Variants in HTR1E observed in about 807,000 individuals in gnomAD.
HTR1E encodes the protein 5-HT-1E.
In HTR1E, 3 loss-of-function variants were observed where a neutral mutation model predicts 3.4. The observed-to-expected ratio is 0.89, with a 90% confidence interval of 0.41 to 2.31. The LOEUF is 2.31. Among genes scored for constraint, HTR1E ranks in the 30% most tolerant of loss-of-function variants. The pLI is 0.05. For synonymous variants in HTR1E, 170 were observed against 182.8 expected (o/e 0.93, Z 0.56); for missense variants, 392 against 467.0 (o/e 0.84, Z 1.48).
intron 1 of HTR1E, among the ~76,000 whole-genome samples, chr6:87,012,237 T>C (rs1768249303): frequency 6.6e-6 from 1 of 152,090 alleles, no homozygotes; most frequent in African/African-American, 2.4e-5. Context: ...CTCCAGAGAC[T>C]TGGGGGTGTG....
chr6:86,993,112 C>T (rs1356811870), intron 1 of HTR1E, among the ~76,000 whole-genome samples: 1 of 152,000 alleles, frequency 6.6e-6, no homozygotes, highest in Non-Finnish European at 1.5e-5. Flanking sequence ...CACTTATGCT[C>T]AAAGTTCATT....
chr6:86,986,164 C>T (rs1303652603), intron 1 of HTR1E, among the ~76,000 whole-genome samples: 2 of 152,160 alleles, frequency 1.3e-5, no homozygotes, highest in African/African-American at 4.8e-5. Context: ...TTTATGATGG[C>T]ATTCTTCACA....
chr6:86,949,287 A>G (rs1304342846), intron 1 of HTR1E, among the ~76,000 whole-genome samples: 1 of 152,198 alleles, frequency 6.6e-6, no homozygotes. Context: ...TGCAGGGTTA[A>G]GTAAGTTAAT....
At chr6:86,988,862 T>G (rs1198852864) in intron 1 of HTR1E, among the ~76,000 whole-genome samples, 1 of 152,062 alleles carries the variant, frequency 6.6e-6, no homozygotes, top group East Asian at 1.9e-4. Context: ...TGACTAAATA[T>G]CAACATAAGA....
intron 1 of HTR1E, among the ~76,000 whole-genome samples, chr6:87,003,869 G>C (rs999952922): frequency 3.3e-5 from 5 of 152,098 alleles, no homozygotes; most frequent in African/African-American, 1.2e-4. Context: ...CAAACTATTA[G>C]TCAAACTAAG....
intron 1 of HTR1E, among the ~76,000 whole-genome samples, chr6:87,008,030 C>A (rs1428925760): frequency 6.6e-6 from 1 of 152,102 alleles, no homozygotes; most frequent in Non-Finnish European, 1.5e-5. Flanking sequence ...AACATTGTGA[C>A]AACAAAAGAC....
intron 1 of HTR1E, among the ~76,000 whole-genome samples, chr6:86,962,472 A>G (rs1767422648): frequency 6.6e-6 from 1 of 152,202 alleles, no homozygotes; most frequent in Non-Finnish European, 1.5e-5. Flanking sequence ...CCATCCTAAC[A>G]TCATGGCACA....
chr6:86,999,453 G>A (rs1020430652), intron 1 of HTR1E, among the ~76,000 whole-genome samples: 1 of 152,090 alleles, frequency 6.6e-6, no homozygotes, highest in Non-Finnish European at 1.5e-5. Flanking sequence ...AAAATGGGGA[G>A]ACCTCACTGA....
intron 1 of HTR1E, among the ~76,000 whole-genome samples, chr6:87,012,757 A>T (rs991215522): frequency 5.3e-5 from 8 of 152,224 alleles, no homozygotes; most frequent in Middle Eastern, 3.2e-3. Flanking sequence ...ACGTGTATTA[A>T]CACATTTGAT....
intron 1 of HTR1E, among the ~76,000 whole-genome samples, chr6:86,959,844 G>A (rs567220145): frequency 8.5e-5 from 13 of 152,190 alleles, no homozygotes; most frequent in African/African-American, 2.9e-4. Flanking sequence ...CCCCATATCA[G>A]CCAAGCGCAT....
intron 1 of HTR1E, among the ~76,000 whole-genome samples, chr6:86,992,451 G>A (rs919616732): frequency 1.3e-5 from 2 of 152,140 alleles, no homozygotes; most frequent in African/African-American, 2.4e-5. Context: ...ACCAAAGAAC[G>A]ACGTGAACTG....
chr6:86,951,832 A>C (rs771767129), intron 1 of HTR1E, among the ~76,000 whole-genome samples: 46 of 152,186 alleles, frequency 3.0e-4, no homozygotes, highest in Non-Finnish European at 6.2e-4. Flanking sequence ...ATGTCACCTG[A>C]ATTTTAAGTA....
At chr6:86,987,978 A>C (rs976012959) in intron 1 of HTR1E, among the ~76,000 whole-genome samples, 1 of 152,214 alleles carries the variant, frequency 6.6e-6, no homozygotes, top group African/African-American at 2.4e-5. Flanking sequence ...GTTAAACCAT[A>C]GCACTATATA....
intron 1 of HTR1E, among the ~76,000 whole-genome samples, chr6:86,956,361 A>ATT (rs751719972): frequency 4.1e-4 from 62 of 152,304 alleles, no homozygotes; most frequent in Non-Finnish European, 7.2e-4. Flanking sequence ...ATTCATCTGC[A>ATT]TAATAAGAAC....
intron 1 of HTR1E, among the ~76,000 whole-genome samples, chr6:86,965,588 C>T (rs1435027298): frequency 6.6e-6 from 1 of 152,124 alleles, no homozygotes; most frequent in East Asian, 1.9e-4. Flanking sequence ...TCTTTGCAGG[C>T]TTCTTGCAGG....
intron 1 of HTR1E, among the ~76,000 whole-genome samples, chr6:87,013,939 G>C (rs1768276768): frequency 6.6e-6 from 1 of 151,998 alleles, no homozygotes; most frequent in African/African-American, 2.4e-5. Context: ...AAACCACAAT[G>C]AGATACCATT....
intron 1 of HTR1E, among the ~76,000 whole-genome samples, chr6:86,975,887 C>G (rs1483649741): frequency 1.3e-5 from 2 of 149,390 alleles, no homozygotes; most frequent in Non-Finnish European, 3.0e-5. Flanking sequence ...TAAATCTCAC[C>G]TTCTCTCTTT....
intron 1 of HTR1E, among the ~76,000 whole-genome samples, chr6:86,986,530 G>T (rs913580468): frequency 1.3e-5 from 2 of 152,234 alleles, no homozygotes; most frequent in Admixed American, 6.5e-5. Flanking sequence ...AGTTGCTAGT[G>T]AGTGAGCACT....
At chr6:86,962,190 T>C (rs1265110100) in intron 1 of HTR1E, among the ~76,000 whole-genome samples, 2 of 152,156 alleles carry the variant, frequency 1.3e-5, no homozygotes, top group Non-Finnish European at 1.5e-5. Flanking sequence ...GTTTATAAAA[T>C]GTGGTAGTAT....
Sources: gnomAD v4.1 joint callset for allele counts (sites outside exome capture counted in the v4.1 genomes callset) on GRCh38, gnomAD v4.1.1 for gene constraint, MANE v1.5 for transcripts, NCBI Gene and HGNC (gene_info 2026-07-23, HGNC 2026-07-21) for gene names.